The following PHACTR1 variants were observed in gnomAD, a reference collection of about 807,000 sequenced individuals.
The protein encoded by PHACTR1 is phosphatase and actin regulator 1.
Under a neutral mutation model 69.2 loss-of-function variants are expected in PHACTR1, and 16 were observed. That is an observed-to-expected ratio of 0.23 (90% CI 0.16 to 0.35). The LOEUF is 0.35. PHACTR1 is among the 10% of genes least tolerant of loss of function. The pLI is 1.00. For missense variants in PHACTR1, 510 were observed against 734.7 expected, an observed-to-expected ratio of 0.69 and a Z score of 3.54; for synonymous variants, 312 against 284.5, an observed-to-expected ratio of 1.10 and a Z score of -0.97.
In PHACTR1 at chr6:12,947,937, G is replaced by A. The variant is rs140834748; in HGVS notation, c.251-105428G>A. Among the ~76,000 whole-genome samples the A allele has an allele frequency of 4.5e-3, 687 of 152,294 alleles. 7 individuals are homozygous for A. The highest frequency in any genetic ancestry group is 0.014 in the African/African-American group (599 of 41,552). On this transcript the variant is annotated intron_variant, in intron 4 of 14. Coordinates refer to ENST00000332995, the MANE Select transcript of PHACTR1 (RefSeq NM_030948.6). ...GTTAATAACTATTTGTTGAATGGAC[G>A]AATTAATATATAAATGAATAAGTGA...
intron 4 of PHACTR1, among the ~76,000 whole-genome samples, chr6:12,839,506 G>C (rs1778482735): frequency 6.6e-6 from 1 of 152,106 alleles, no homozygotes; most frequent in Non-Finnish European, 1.5e-5. Flanking sequence ...CTACTTCTGA[G>C]GTAGGCTGGC....
intron 4 of PHACTR1, among the ~76,000 whole-genome samples, chr6:12,984,363 T>C (rs1267458638): frequency 1.3e-5 from 2 of 152,128 alleles, no homozygotes; most frequent in Non-Finnish European, 2.9e-5. Context: ...TTGATAACCA[T>C]TGGAGGTAGT....
intron 7 of PHACTR1, among the ~76,000 whole-genome samples, chr6:13,200,530 C>T (rs968159744): frequency 5.9e-5 from 9 of 152,212 alleles, no homozygotes; most frequent in Non-Finnish European, 1.2e-4. Flanking sequence ...GAAGTTGCAT[C>T]AGGCAACTAT....
intron 4 of PHACTR1, among the ~76,000 whole-genome samples, chr6:12,929,868 C>T (rs1325590689): frequency 6.6e-6 from 1 of 152,178 alleles, no homozygotes; most frequent in Non-Finnish European, 1.5e-5. Context: ...ATGGCACTTC[C>T]TGCTTGCGTA....
chr6:12,727,715 C>A (rs976687218), intron 3 of PHACTR1, among the ~76,000 whole-genome samples: 1 of 152,136 alleles, frequency 6.6e-6, no homozygotes, highest in Non-Finnish European at 1.5e-5. Flanking sequence ...CTCATTTGCC[C>A]AAACAAATCT....
chr6:12,731,781 T>A (rs571468185), intron 3 of PHACTR1, among the ~76,000 whole-genome samples: 1 of 152,202 alleles, frequency 6.6e-6, no homozygotes, highest in African/African-American at 2.4e-5. Flanking sequence ...CTGCAACTGG[T>A]GGTCCTATGT....
intron 3 of PHACTR1, among the ~76,000 whole-genome samples, chr6:12,729,850 AT>A (rs139365904): frequency 3.2e-4 from 48 of 152,188 alleles, no homozygotes; most frequent in African/African-American, 1.1e-3. Flanking sequence ...TATTAAGAAG[AT>A]TTTTTTCCTG....
At chr6:13,207,954 A>G (rs1377999890) in intron 8 of PHACTR1, among the ~76,000 whole-genome samples, 1 of 151,838 alleles carries the variant, frequency 6.6e-6, no homozygotes, top group Non-Finnish European at 1.5e-5. Context: ...GAAAGGAGTG[A>G]TTCACTGGGA....
chr6:13,026,926 AT>A (rs1801775511), intron 4 of PHACTR1, among the ~76,000 whole-genome samples: 1 of 152,158 alleles, frequency 6.6e-6, no homozygotes, highest in African/African-American at 2.4e-5. Context: ...AAAAATAAAA[AT>A]AAAAAATAAA....
At chr6:13,121,911 CAATGT>C in intron 5 of PHACTR1, among the ~76,000 whole-genome samples, 1 of 152,202 alleles carries the variant, frequency 6.6e-6, no homozygotes, top group African/African-American at 2.4e-5. Context: ...ATGCATCATG[CAATGT>C]GAAGTTCAGG....
At chr6:13,182,485 G>T (rs758489429) in intron 6 of PHACTR1, 34 bp from the exon 7 acceptor site, 45 of 1,607,116 alleles carry the variant, frequency 2.8e-5, no homozygotes, top group Non-Finnish European at 3.6e-5. Flanking sequence ...GGCAGACATT[G>T]TCTAACTCTG....
chr6:13,076,835 T>G (rs1258664924), intron 5 of PHACTR1, among the ~76,000 whole-genome samples: 1 of 151,372 alleles, frequency 6.6e-6, no homozygotes, highest in African/African-American at 2.4e-5. Flanking sequence ...TAGAAGGAAC[T>G]TAAGTGCCAA....
At chr6:12,947,597 C>T (rs867351218) in intron 4 of PHACTR1, among the ~76,000 whole-genome samples, 3 of 152,200 alleles carry the variant, frequency 2.0e-5, no homozygotes, top group Non-Finnish European at 4.4e-5. Context: ...GGGAGCCAGA[C>T]GCTCCTGGGT....
At chr6:13,218,407 T>C (rs1768004807) in intron 8 of PHACTR1, among the ~76,000 whole-genome samples, 1 of 152,220 alleles carries the variant, frequency 6.6e-6, no homozygotes, top group Non-Finnish European at 1.5e-5. Flanking sequence ...AGACTCACTG[T>C]AGATGTCTTG....
intron 4 of PHACTR1, among the ~76,000 whole-genome samples, chr6:13,043,916 G>T (rs1019560765): frequency 3.5e-4 from 53 of 152,110 alleles, no homozygotes; most frequent in Admixed American, 1.9e-3. Flanking sequence ...GTATTCTATA[G>T]ATTAAATGAA....
chr6:13,252,045 A>T (rs561503538), intron 10 of PHACTR1, among the ~76,000 whole-genome samples: 1 of 146,610 alleles, frequency 6.8e-6, no homozygotes, highest in Non-Finnish European at 1.5e-5. Context: ...ACAGAACAAG[A>T]TCCTGCCTTA....
At chr6:13,018,488 T>C (rs996372601) in intron 4 of PHACTR1, among the ~76,000 whole-genome samples, 5 of 152,076 alleles carry the variant, frequency 3.3e-5, no homozygotes. Context: ...AGAAAGTGCT[T>C]GAGAAATATT....
chr6:13,267,971 A>G lies in PHACTR1; in HGVS notation c.1392-4889A>G, dbSNP rs183758527. 3.5e-3 allele frequency: 526 copies of G among 152,066 alleles called. 3 individuals are homozygous for G. Among genetic ancestry groups the G allele is most frequent in the Non-Finnish European group, 5.6e-3 (381 of 68,008 alleles). 9.4% of individuals were successfully genotyped at this position (152,066 alleles called of 1,614,324 possible). On this transcript the variant is annotated intron_variant, in intron 10 of 14. Coordinates refer to ENST00000332995, the MANE Select transcript of PHACTR1 (RefSeq NM_030948.6). ...CTCTGTCTAAAGGCATTCAGGCTCA[A>G]AAAAAGTATAACCAGCTGGGCTCAG...
intron 11 of PHACTR1, 173 bp downstream of exon 11, chr6:13,273,088 A>G (rs568083562): frequency 1.4e-5 from 12 of 881,036 alleles, no homozygotes; most frequent in Non-Finnish European, 2.0e-5. Flanking sequence ...CTCCCCAAAG[A>G]GAAGGCAAAT....
Sources: gnomAD v4.1 joint callset for allele counts (sites outside exome capture counted in the v4.1 genomes callset) on GRCh38, gnomAD v4.1.1 for gene constraint, MANE v1.5 for transcripts, NCBI Gene and HGNC (gene_info 2026-07-23, HGNC 2026-07-21) for gene names.